Variants in ASTN2 observed in about 807,000 individuals in gnomAD.
The protein encoded by ASTN2 is astrotactin-2.
ASTN2 carries 54 observed loss-of-function variants against 139.8 expected under a neutral mutation model. The ratio of observed to expected loss-of-function variants is 0.39; its 90% CI spans 0.31 to 0.48. The LOEUF is 0.48. Ranked by LOEUF, ASTN2 falls within the 20% of genes least tolerant of loss-of-function variation. The probability of loss-of-function intolerance (pLI) is 0.95; values close to 1 mark genes in which losing one functional copy is unlikely to be tolerated. For missense variants in ASTN2, 1,565 were observed against 1,725.1 expected, an observed-to-expected ratio of 0.91 and a Z score of 1.64; for synonymous variants, 756 against 719.5, an observed-to-expected ratio of 1.05 and a Z score of -0.81.
intron 2 of ASTN2, among the ~76,000 whole-genome samples, chr9:117,266,899 C>T (rs1833949445): frequency 6.6e-6 from 1 of 152,108 alleles, no homozygotes; most frequent in African/African-American, 2.4e-5. Context: ...TGAAGCTTTC[C>T]TTCTAGGAGG....
rs149692172 is a variant in ASTN2 at position 116,662,345 on chromosome 9, G to A, written c.2807-10552C>T. Among the ~76,000 whole-genome samples, 1,130 of 152,264 alleles carry A rather than the reference G, an allele frequency of 7.4e-3. 17 individuals are homozygous for A. Among genetic ancestry groups the A allele is most frequent in the African/African-American group, 0.025 (1,050 of 41,554 alleles). The stretch of plus-strand genomic sequence containing the variant: ...TCCAACACTTTGGGAGGCTAAGGTG[G>A]GCGGATCACCTGAGGTCAGGAGTTC... On this transcript the variant is annotated intron_variant, in intron 16 of 22. Coordinates refer to ENST00000313400, the MANE Select transcript of ASTN2 (RefSeq NM_001365068.1).
intron 19 of ASTN2, among the ~76,000 whole-genome samples, chr9:116,580,434 G>T (rs1236036540): frequency 6.6e-6 from 1 of 152,098 alleles, no homozygotes; most frequent in East Asian, 1.9e-4. Flanking sequence ...ATTGATCAGG[G>T]GTTATTAGAA....
intron 13 of ASTN2, among the ~76,000 whole-genome samples, chr9:116,759,444 T>C (rs1018656406): frequency 1.3e-5 from 2 of 152,308 alleles, no homozygotes; most frequent in Admixed American, 6.5e-5. Flanking sequence ...GTCATACAGC[T>C]CCTAAGGAGC....
chr9:116,549,961 G>GTGCTCACT (rs1852271388), intron 19 of ASTN2, among the ~76,000 whole-genome samples: 1 of 152,114 alleles, frequency 6.6e-6, no homozygotes, highest in Non-Finnish European at 1.5e-5. Flanking sequence ...TGCTTATGAT[G>GTGCTCACT]TGCTCACTCT....
At chr9:116,900,714 T>TC (rs1833987109) in intron 10 of ASTN2, among the ~76,000 whole-genome samples, 1 of 152,046 alleles carries the variant, frequency 6.6e-6, no homozygotes, top group Non-Finnish European at 1.5e-5. Flanking sequence ...AACTAAGCCA[T>TC]CACCTCACCT....
rs553384209 is a variant in ASTN2 at position 116,597,453 on chromosome 9, C to T, written c.3355+20871G>A. On this transcript the variant is annotated intron_variant, in intron 19 of 22. Coordinates refer to ENST00000313400, the MANE Select transcript of ASTN2 (RefSeq NM_001365068.1). ...CTCCCAAGTAGCGGGCCACCATGCC[C>T]GGCTAATTTTTTGTATTTAGTAGAG... 3.2e-3 allele frequency among the ~76,000 whole-genome samples: 485 copies of T among 151,584 alleles called. 2 individuals are homozygous for T. The highest frequency in any genetic ancestry group is 5.9e-3 in the Non-Finnish European group (398 of 67,854).
intron 1 of ASTN2, among the ~76,000 whole-genome samples, chr9:117,354,214 A>AC (rs1829472434): frequency 6.6e-6 from 1 of 151,896 alleles, no homozygotes; most frequent in Non-Finnish European, 1.5e-5. Context: ...GCCTAAAACT[A>AC]CCCCCAAAAA....
At chr9:116,501,290 T>G (rs1009174814) in intron 19 of ASTN2, among the ~76,000 whole-genome samples, 1 of 152,240 alleles carries the variant, frequency 6.6e-6, no homozygotes, top group African/African-American at 2.4e-5. Context: ...ACAAAGGACA[T>G]GAACTCATCC....
intron 1 of ASTN2, among the ~76,000 whole-genome samples, chr9:117,369,088 C>T (rs766565833): frequency 7.9e-5 from 12 of 152,164 alleles, no homozygotes; most frequent in Non-Finnish European, 1.2e-4. Context: ...TTAACAAATT[C>T]TCTAAGTGTT....
chr9:116,975,263 G>A lies in ASTN2; in HGVS notation c.1834C>T (p.Pro612Ser), dbSNP rs771906570. 6.2e-7 allele frequency: 1 copy of A among 1,613,428 alleles called. No homozygotes were observed. The highest frequency in any genetic ancestry group is 8.5e-7 in the Non-Finnish European group (1 of 1,179,652). ...VVPPVELSIN[P>S]LASCKTDVLV... ...ACATCGGTCTTGCAGCTGGCCAGGGGGTTGATGGACAGCTCCACAGGCGGA... is the reference window on the plus strand; with the variant it reads ...ACATCGGTCTTGCAGCTGGCCAGGGAGTTGATGGACAGCTCCACAGGCGGA... Residue 612 changes from proline (P) to serine (S), a missense_variant, in exon 10 of 23, where the codon CCC becomes TCC. By Grantham distance (74) the Pro-to-Ser change is moderately conservative (BLOSUM62 -1). This residue lies in a region of ASTN2 where 503 missense variants were observed against 591.7 expected (regional missense o/e 0.85). Transcript: ENST00000313400.
At chr9:117,188,514 G>A (rs904036966) in intron 3 of ASTN2, among the ~76,000 whole-genome samples, 49 of 152,206 alleles carry the variant, frequency 3.2e-4, no homozygotes, top group Middle Eastern at 3.4e-3. Flanking sequence ...TAGCAGCTAA[G>A]GGAGCAAGAT....
intron 1 of ASTN2, among the ~76,000 whole-genome samples, chr9:117,390,951 T>C (rs1830524187): frequency 6.6e-6 from 1 of 152,198 alleles, no homozygotes; most frequent in Non-Finnish European, 1.5e-5. Context: ...TTAATTGGCC[T>C]AAGGTAGATC....
intron 2 of ASTN2, among the ~76,000 whole-genome samples, chr9:117,264,387 T>C (rs1019062198): frequency 3.3e-5 from 5 of 152,208 alleles, no homozygotes; most frequent in Non-Finnish European, 2.9e-5. Context: ...TGCCTGATGT[T>C]GGGCAACTGC....
Position 116,706,364 on chromosome 9 carries a change from A to G in ASTN2, c.2806+19407T>C, listed in dbSNP as rs149903423. 8.5e-3 allele frequency among the ~76,000 whole-genome samples: 1,299 copies of G among 152,118 alleles called. 7 individuals carry two copies. The highest frequency in any genetic ancestry group is 0.015 in the Non-Finnish European group (1,017 of 67,986). ...AACCTATTATTCCCCCTTCCGCCCC[A>G]TATCTGGACATGCCAGTAAGAAAGC... On this transcript the variant is annotated intron_variant, in intron 16 of 22. Transcript: ENST00000313400.
intron 10 of ASTN2, among the ~76,000 whole-genome samples, chr9:116,971,425 T>TC (rs1485890365): frequency 1.3e-5 from 2 of 152,196 alleles, no homozygotes; most frequent in African/African-American, 4.8e-5. Flanking sequence ...TTTGCTTAAT[T>TC]CCCTCAGTCG....
intron 20 of ASTN2, among the ~76,000 whole-genome samples, chr9:116,480,198 G>C (rs891066017): frequency 1.3e-5 from 2 of 151,866 alleles, no homozygotes; most frequent in African/African-American, 4.8e-5. Flanking sequence ...AAGGGAAGGA[G>C]GGAGAGAGGG....
At chr9:116,837,794 G>T (rs1832051398) in intron 11 of ASTN2, among the ~76,000 whole-genome samples, 1 of 152,164 alleles carries the variant, frequency 6.6e-6, no homozygotes, top group African/African-American at 2.4e-5. Context: ...TGATGCTGGA[G>T]GTGGGGCCCT....
At chr9:117,013,662 C>G (rs1255698694) in intron 6 of ASTN2, among the ~76,000 whole-genome samples, 2 of 152,012 alleles carry the variant, frequency 1.3e-5, no homozygotes, top group East Asian at 3.9e-4. Context: ...TGATTATCAG[C>G]CTGCTTCTGT....
intron 19 of ASTN2, among the ~76,000 whole-genome samples, chr9:116,571,932 C>A (rs1231981499): frequency 6.6e-6 from 1 of 151,952 alleles, no homozygotes; most frequent in Non-Finnish European, 1.5e-5. Flanking sequence ...TGTGTGTTGC[C>A]TTTGTTTTTG....
Sources: gnomAD v4.1 joint callset for allele counts (sites outside exome capture counted in the v4.1 genomes callset) on GRCh38, gnomAD v4.1.1 for gene constraint, gnomAD v4.1.1 regional missense constraint, MANE v1.5 for transcripts, NCBI Gene and HGNC (gene_info 2026-07-23, HGNC 2026-07-21) for gene names.